Variants in PPP1R27 observed in about 807,000 individuals in gnomAD.
PPP1R27 encodes protein phosphatase 1 regulatory subunit 27.
In PPP1R27, 10 loss-of-function variants were observed where a neutral mutation model predicts 12.0. The observed-to-expected ratio is 0.84, with a 90% confidence interval of 0.52 to 1.42. The LOEUF (loss-of-function observed/expected upper bound fraction) is 1.42, where lower values mean the gene tolerates loss of function less well. Among genes scored for constraint, PPP1R27 ranks in the 40% most tolerant of loss-of-function variants. The probability of loss-of-function intolerance (pLI) is 0.00; values close to 1 mark genes in which losing one functional copy is unlikely to be tolerated. For missense variants in PPP1R27, 246 were observed against 215.3 expected, an observed-to-expected ratio of 1.14 and a Z score of -0.89; for synonymous variants, 98 against 89.3, an observed-to-expected ratio of 1.10 and a Z score of -0.55.
chr17:81,833,733 T>A lies in PPP1R27; in HGVS notation c.461A>T (p.Asp154Val). ...GGGCGGGCGGGCAAAGCTGGCTCAG[T>A]CCATCGTGGTCCCTTTGAAGAGCTC... ...LVELFKGTTM[D>V] The change falls in exon 3 of 3, where the codon GAC becomes GTC. Residue 154 changes from aspartate (D) to valine (V), a missense_variant. Physicochemically the swap from Asp to Val is radical, Grantham distance 152. Coordinates refer to ENST00000330261, the MANE Select transcript of PPP1R27 (RefSeq NM_001007533.4). 1.3e-6 allele frequency: 2 copies of A among 1,549,466 alleles called. No individual in the cohort carries two copies. The highest frequency in any genetic ancestry group is 1.7e-6 in the Non-Finnish European group (2 of 1,147,014).
In PPP1R27 at chr17:81,834,878, C is replaced by G; in HGVS notation, c.76G>C (p.Val26Leu). The G allele has an allele frequency of 6.2e-7, 1 of 1,613,200 alleles. No homozygotes were observed. ...RRRRMLADRS[V>L]RFPNDVLFLD... is the part of the protein sequence containing the mutation. Reference sequence around the variant, plus strand: ...AACAGGACATCATTAGGGAAACGCACGCTGCGATCAGCCAGCATCCGCCGC... The same window carrying G: ...AACAGGACATCATTAGGGAAACGCAGGCTGCGATCAGCCAGCATCCGCCGC... Residue 26 changes from valine to leucine, a missense_variant, in exon 1 of 3, where the codon GTG becomes CTG. Transcript: ENST00000330261.
Position 81,835,019 on chromosome 17 carries a change from T to C in PPP1R27, c.-66A>G. ...GCACTGGGGTTAATAATGTATCCGG[T>C]CCCGACCAGATCAGCTTGAGGGCTC... On this transcript the variant is annotated 5_prime_UTR_variant, in exon 1 of 3. Coordinates refer to ENST00000330261, the MANE Select transcript of PPP1R27 (RefSeq NM_001007533.4). The C allele has an allele frequency of 6.9e-7, 1 of 1,441,846 alleles. No homozygotes were observed. Among genetic ancestry groups the C allele is most frequent in the Admixed American group, 2.5e-5 (1 of 39,348 alleles). 89.3% of individuals were successfully genotyped at this position (1,441,846 alleles called of 1,614,324 possible).
Position 81,834,826 on chromosome 17 carries a change from A to G in PPP1R27, c.128T>C (p.Leu43Pro). 1.2e-6 allele frequency: 2 copies of G among 1,613,760 alleles called. No homozygotes were observed. Among genetic ancestry groups the G allele is most frequent in the East Asian group, 2.2e-5 (1 of 44,880 alleles). ...LFLDHIRQGDLEQVGRFIRTR... is the reference protein window; with the variant it reads ...LFLDHIRQGDPEQVGRFIRTR... Reference sequence around the variant, plus strand: ...CCGGATGAAGCGCCCCACCTGCTCCAGGTCACCCTGCCGGATGTGGTCCAA... The same window carrying G: ...CCGGATGAAGCGCCCCACCTGCTCCGGGTCACCCTGCCGGATGTGGTCCAA... The change falls in exon 1 of 3, where the codon CTG becomes CCG. Residue 43 changes from leucine (L) to proline (P), a missense_variant. Leu to Pro is a moderately conservative substitution (Grantham distance 98, BLOSUM62 -3). Transcript: ENST00000330261.
Position 81,834,561 on chromosome 17 carries a change from C to T in PPP1R27, c.283G>A (p.Glu95Lys), listed in dbSNP as rs370355711. The T allele has an allele frequency of 8.7e-6, 14 of 1,614,220 alleles. No homozygotes were observed. The highest frequency in any genetic ancestry group is 1.2e-5 in the Non-Finnish European group (14 of 1,180,034). Residue 95 changes from glutamate (E) to lysine (K), a missense_variant, in exon 2 of 3, where the codon GAG becomes AAG. Physicochemically the swap from Glu to Lys is moderately conservative, Grantham distance 56. Transcript: ENST00000330261. ...KYGADIHQRD[E>K]AGWTPLHIAC... is the part of the protein sequence containing the mutation. ...ATGTGCAGGGGTGTCCAGCCCGCCT[C>T]ATCTCGCTGGTGAATGTCAGCCCCG...
chr17:81,834,783 C>A lies in PPP1R27; in HGVS notation c.171G>T (p.Leu57=). 6.2e-7 allele frequency: 1 copy of A among 1,612,566 alleles called. No homozygotes were observed. The highest frequency in any genetic ancestry group is 8.5e-7 in the Non-Finnish European group (1 of 1,179,280). Residue 57 remains leucine (L), a synonymous_variant, in exon 1 of 3, where the codon CTG becomes CTT. Coordinates refer to ENST00000330261, the MANE Select transcript of PPP1R27 (RefSeq NM_001007533.4). ...GCTCACCTGAGGGGTGGATGGTGGC[C>A]AGGGAGACTTTCCGAGTCCGGATGA... is the stretch of plus-strand genomic sequence containing the variant. ...GRFIRTRKVS[L]ATIHPSGLAA...
rs1290972876 is a variant in PPP1R27 at position 81,834,597 on chromosome 17, G to T, written c.247C>A (p.Leu83Met). 5 of 1,614,210 alleles carry T rather than the reference G, an allele frequency of 3.1e-6. No homozygotes were observed. Among genetic ancestry groups the T allele is most frequent in the Non-Finnish European group, 4.2e-6 (5 of 1,180,028 alleles). The part of the protein sequence containing the change: ...LSGNLECVKL[L>M]VKYGADIHQR... ...TGAATGTCAGCCCCGTATTTGACCA[G>T]CAGCTTCACGCATTCCAGGTTTCCA... The change falls in exon 2 of 3, where the codon CTG becomes ATG. Residue 83 changes from leucine to methionine, a missense_variant. Coordinates refer to ENST00000330261, the MANE Select transcript of PPP1R27 (RefSeq NM_001007533.4).
chr17:81,834,461 A>T, intron 2 of PPP1R27, 42 bp downstream of exon 2: 1 of 1,601,350 alleles, frequency 6.2e-7, no homozygotes, highest in Non-Finnish European at 8.5e-7. Flanking sequence ...TGAGGCCCGG[A>T]GGGGTCGGGT....
chr17:81,833,657 C>G lies in PPP1R27; in HGVS notation c.*72G>C. The G allele has an allele frequency of 6.7e-7, 1 of 1,501,594 alleles. No individual in the cohort carries two copies. Among genetic ancestry groups the G allele is most frequent in the Admixed American group, 2.0e-5 (1 of 49,222 alleles). The allele number at this position is 1,501,594 out of a possible 1,614,324, so 93.0% of individuals were successfully genotyped here. A position where few individuals can be genotyped will look rare whatever the true frequency, so the allele number is the denominator to read the frequency against. ...CCCTGGCCCACGGGTGGGGCACGTG[C>G]TGGCCCATGGGCGACGCGCGGCTTC... is the stretch of plus-strand genomic sequence containing the variant. On this transcript the variant is annotated 3_prime_UTR_variant, in exon 3 of 3. Transcript: ENST00000330261.
Position 81,833,824 on chromosome 17 carries a change from C to G in PPP1R27, c.370G>C (p.Asp124His), listed in dbSNP as rs1382740572. Reference sequence around the variant, plus strand: ...AGGTCGCCATCGTCGTTGGTTGCATCCCTGTCCGCTCCCAGGGAGATAAGG... The same window carrying G: ...AGGTCGCCATCGTCGTTGGTTGCATGCCTGTCCGCTCCCAGGGAGATAAGG... ...RYLISLGADR[D>H]ATNDDGDLPS... The change falls in exon 3 of 3, where the codon GAT becomes CAT. Residue 124 changes from aspartate to histidine, a missense_variant. Asp to His is a moderately conservative substitution (Grantham distance 81). Transcript: ENST00000330261. The G allele has an allele frequency of 5.7e-6, 9 of 1,584,786 alleles. No homozygotes were observed. The highest frequency in any genetic ancestry group is 1.3e-5 in the African/African-American group (1 of 74,502).
chr17:81,834,048 G>C, intron 2 of PPP1R27, 196 bp from the exon 3 acceptor site: 3 of 602,536 alleles, frequency 5.0e-6, no homozygotes, highest in Non-Finnish European at 8.5e-6. Flanking sequence ...GTTCTATTGA[G>C]GACAAAGGCA....
intron 1 of PPP1R27, 31 bp downstream of exon 1, chr17:81,834,733 G>T: frequency 6.2e-7 from 1 of 1,609,738 alleles, no homozygotes; most frequent in Non-Finnish European, 8.5e-7. Flanking sequence ...CACCCCACAG[G>T]CCCTGGCCAG....
intron 2 of PPP1R27, 32 bp downstream of exon 2, chr17:81,834,471 T>C (rs990917751): frequency 1.2e-6 from 2 of 1,609,734 alleles, no homozygotes; most frequent in African/African-American, 2.7e-5. Flanking sequence ...AGGGGTCGGG[T>C]TCAAGCCTGT....
chr17:81,834,141 T>C, intron 2 of PPP1R27: 2 of 461,442 alleles, frequency 4.3e-6, no homozygotes, highest in South Asian at 3.2e-5. Context: ...TTCGCTCTTA[T>C]CACCCAGGCT....
At position 81,833,638 on chromosome 17, in the gene PPP1R27, C is replaced by G. The variant is rs2038571787; in HGVS notation, c.*91G>C. The G allele has an allele frequency of 1.4e-6, 2 of 1,416,420 alleles. No individual in the cohort carries two copies. The allele number at this position is 1,416,420 out of a possible 1,614,324, so 87.7% of individuals were successfully genotyped here. Reference sequence around the variant, plus strand: ...GAGGGACGGGTCCGGCCGCCCCTGGCCCACGGGTGGGGCACGTGCTGGCCC... The same window carrying G: ...GAGGGACGGGTCCGGCCGCCCCTGGGCCACGGGTGGGGCACGTGCTGGCCC... On this transcript the variant is annotated 3_prime_UTR_variant, in exon 3 of 3. Transcript: ENST00000330261.
intron 2 of PPP1R27, chr17:81,834,187 T>C: frequency 2.2e-6 from 1 of 457,426 alleles, no homozygotes. Flanking sequence ...CACGGCAACC[T>C]CCACTTCCCG....
intron 2 of PPP1R27, 50 bp from the exon 3 acceptor site, chr17:81,833,902 G>C (rs564566386): frequency 6.4e-7 from 1 of 1,574,376 alleles, no homozygotes; most frequent in East Asian, 2.3e-5. Context: ...CCAGGAGAGT[G>C]CTCGCCCCAA....
Position 81,834,828 on chromosome 17 carries a change from G to GT in PPP1R27, c.125dup (p.Asp42GlufsTer29), listed in dbSNP as rs756031327. ...GGATGAAGCGCCCCACCTGCTCCAG[G>GT]TCACCCTGCCGGATGTGGTCCAAGA... On this transcript the variant is annotated frameshift_variant, in exon 1 of 3. Coordinates refer to ENST00000330261, the MANE Select transcript of PPP1R27 (RefSeq NM_001007533.4). LOFTEE classifies it high-confidence loss of function. 1 of 1,613,756 alleles carries GT rather than the reference G, an allele frequency of 6.2e-7. No homozygotes were observed. The highest frequency in any genetic ancestry group is 8.5e-7 in the Non-Finnish European group (1 of 1,179,982).
rs1162646442 is a variant in PPP1R27, at chr17:81,834,982, G to A, written c.-29C>T. On this transcript the variant is annotated 5_prime_UTR_variant, in exon 1 of 3. Coordinates refer to ENST00000330261, the MANE Select transcript of PPP1R27 (RefSeq NM_001007533.4). ...GGGCGCTGTGGGGCAGGTTGCCCCT[G>A]GGGACCCTACTGCACTGGGGTTAAT... 6.4e-6 allele frequency: 10 copies of A among 1,561,344 alleles called. No individual in the cohort carries two copies. In the South Asian group the frequency reaches 1.2e-4, roughly 19 times the overall value.
rs373055230 is a variant in PPP1R27, at chr17:81,834,831, A to T, written c.123T>A (p.Gly41=). The T allele has an allele frequency of 3.7e-6, 6 of 1,613,552 alleles. No individual in the cohort carries two copies. The African/African-American group carries it at 6.7e-5, about 18-fold the overall frequency. Residue 41 remains glycine (G), a synonymous_variant, in exon 1 of 3, where the codon GGT becomes GGA. Transcript: ENST00000330261. ...TGAAGCGCCCCACCTGCTCCAGGTC[A>T]CCCTGCCGGATGTGGTCCAAGAACA... The part of the protein sequence containing the change: ...DVLFLDHIRQ[G]DLEQVGRFIR...
Sources: allele counts gnomAD v4.1 joint callset, GRCh38; gene constraint gnomAD v4.1.1; transcripts MANE v1.5; gene names NCBI Gene and HGNC (gene_info 2026-07-23, HGNC 2026-07-21).